KIAA1217: variants seen among roughly 807,000 people sequenced by gnomAD.
KIAA1217 encodes the protein sickle tail protein homolog.
A neutral mutation model predicts 163.9 loss-of-function variants in KIAA1217; 88 were observed. The ratio of observed to expected loss-of-function variants is 0.54; its 90% CI spans 0.45 to 0.64. The LOEUF (loss-of-function observed/expected upper bound fraction) is 0.64. Ranked by LOEUF, KIAA1217 falls within the 30% of genes least tolerant of loss-of-function variation. The probability of loss-of-function intolerance (pLI) is 0.00; values close to 1 mark genes in which losing one functional copy is unlikely to be tolerated. For missense variants in KIAA1217, 2,372 were observed against 2,475.0 expected (o/e 0.96, Z 0.88); for synonymous variants, 903 against 923.1 (o/e 0.98, Z 0.39).
chr10:24,203,647 C>T (rs1361925181), intron 2 of KIAA1217, among the ~76,000 whole-genome samples: 1 of 148,666 alleles, frequency 6.7e-6, no homozygotes, highest in Non-Finnish European at 1.5e-5. Flanking sequence ...GAGTCTCTTT[C>T]CCCCAAATAC....
chr10:24,063,828 T>C (rs542085373), intron 2 of KIAA1217, among the ~76,000 whole-genome samples: 1 of 152,342 alleles, frequency 6.6e-6, no homozygotes, highest in Non-Finnish European at 1.5e-5. Flanking sequence ...GAGCAGTGGT[T>C]TGTAGTTCTC....
intron 1 of KIAA1217, among the ~76,000 whole-genome samples, chr10:23,955,268 T>A (rs938665718): frequency 3.9e-5 from 6 of 152,120 alleles, no homozygotes; most frequent in Non-Finnish European, 5.9e-5. Flanking sequence ...AATAATAGTA[T>A]CCAGAACAAA....
chr10:23,736,640 A>G (rs1838820184), intron 1 of KIAA1217, among the ~76,000 whole-genome samples: 2 of 152,136 alleles, frequency 1.3e-5, no homozygotes, highest in Admixed American at 1.3e-4. Context: ...CTCCCACCTC[A>G]GCTTCCCATG....
intron 2 of KIAA1217, among the ~76,000 whole-genome samples, chr10:24,193,679 A>G (rs557362858): frequency 1.4e-4 from 21 of 152,186 alleles, no homozygotes; most frequent in Non-Finnish European, 2.8e-4. Context: ...GCTAATCCAG[A>G]TAACTCCATC....
At chr10:24,536,990 G>A in intron 17 of KIAA1217, 97 bp downstream of exon 17, 2 of 1,403,090 alleles carry the variant, frequency 1.4e-6, no homozygotes, top group South Asian at 1.3e-5. Flanking sequence ...TGTCCCCTCT[G>A]TCTTTTTTCT....
In KIAA1217 at chr10:24,035,137, A is replaced by G. The variant is rs1468425297; in HGVS notation, c.-171+27763A>G. Among the ~76,000 whole-genome samples, 5 of 152,194 alleles carry G rather than the reference A, an allele frequency of 3.3e-5. No individual in the cohort carries two copies. In the East Asian group the frequency reaches 9.6e-4, roughly 29 times the overall value. On this transcript the variant is annotated intron_variant, in intron 2 of 18. Transcript: ENST00000376462. ...TTCAATTCCCGCTCCTGTACTTAGTATCCGTGAGATCTTGGGTGAGTTTCT... is the reference window on the plus strand; with the variant it reads ...TTCAATTCCCGCTCCTGTACTTAGTGTCCGTGAGATCTTGGGTGAGTTTCT...
chr10:24,445,376 A>G (rs1445629416), intron 5 of KIAA1217, among the ~76,000 whole-genome samples: 1 of 152,034 alleles, frequency 6.6e-6, no homozygotes, highest in Non-Finnish European at 1.5e-5. Context: ...CATTTGTTTC[A>G]TTTCTGTTTT....
Position 24,543,647 on chromosome 10 carries a change from A to G in KIAA1217, c.4377A>G (p.Arg1459=). 1 of 1,614,088 alleles carries G rather than the reference A, an allele frequency of 6.2e-7. No homozygotes were observed. ...TGGACATCCGGTCTGCCTATAAGAG[A>G]CTTTCAACTATCTTTGAGGAATGTG... The part of the protein sequence containing the change: ...EPMDIRSAYK[R]LSTIFEECDE... The change falls in exon 19 of 21, where the codon AGA becomes AGG. Residue 1459 remains arginine (R), a synonymous_variant. Coordinates refer to ENST00000376454, the MANE Select transcript of KIAA1217 (RefSeq NM_019590.5).
At chr10:23,921,386 G>T (rs1422852476) in intron 1 of KIAA1217, among the ~76,000 whole-genome samples, 1 of 152,164 alleles carries the variant, frequency 6.6e-6, no homozygotes, top group Non-Finnish European at 1.5e-5. Flanking sequence ...GAGAGAACTT[G>T]TGTTTTCCTG....
rs1317656430 is a variant in KIAA1217, at chr10:24,027,680, A to G, written c.-171+20306A>G. Among the ~76,000 whole-genome samples the G allele has an allele frequency of 1.1e-4, 17 of 152,296 alleles. 4 individuals are homozygous for G. The highest frequency in any genetic ancestry group is 9.8e-4 in the Admixed American group (15 of 15,280). ...CCATGTTAATAGATAGGAAAACTCA[A>G]TAGTGTAAAATTATTTACAGACAAT... is the stretch of plus-strand genomic sequence containing the variant. On this transcript the variant is annotated intron_variant, in intron 2 of 18. Coordinates refer to the KIAA1217 transcript ENST00000376462.
intron 2 of KIAA1217, among the ~76,000 whole-genome samples, chr10:24,258,859 C>T (rs1434031764): frequency 2.0e-5 from 3 of 152,160 alleles, no homozygotes; most frequent in East Asian, 3.9e-4. Context: ...TCCCAAAGTG[C>T]TGGGATTACA....
chr10:23,835,489 G>A (rs1352834869), intron 1 of KIAA1217, among the ~76,000 whole-genome samples: 1 of 152,116 alleles, frequency 6.6e-6, no homozygotes, highest in Non-Finnish European at 1.5e-5. Flanking sequence ...TCTGTGACCT[G>A]AGGCATTGAT....
intron 2 of KIAA1217, among the ~76,000 whole-genome samples, chr10:24,295,087 T>C (rs2040430102): frequency 6.6e-6 from 1 of 152,148 alleles, no homozygotes; most frequent in South Asian, 2.1e-4. Context: ...TAAGGAGAAA[T>C]ATGGTCAGTG....
intron 1 of KIAA1217, among the ~76,000 whole-genome samples, chr10:23,759,853 G>A (rs550333430): frequency 6.6e-6 from 1 of 152,278 alleles, no homozygotes; most frequent in South Asian, 2.1e-4. Flanking sequence ...GCATGCTTTT[G>A]AAGTTTCAGT....
intron 5 of KIAA1217, among the ~76,000 whole-genome samples, chr10:24,455,854 G>T (rs1030865509): frequency 6.6e-6 from 1 of 152,184 alleles, no homozygotes; most frequent in Admixed American, 6.5e-5. Flanking sequence ...GGTTCAGAAT[G>T]ATCAATTAAT....
intron 3 of KIAA1217, among the ~76,000 whole-genome samples, chr10:24,391,206 G>T (rs953365350): frequency 6.6e-6 from 1 of 152,126 alleles, no homozygotes; most frequent in African/African-American, 2.4e-5. Context: ...AATGACAAAG[G>T]TGTCAACCCT....
At chr10:24,431,214 G>A (rs1238703984) in intron 3 of KIAA1217, among the ~76,000 whole-genome samples, 1 of 152,108 alleles carries the variant, frequency 6.6e-6, no homozygotes, top group Non-Finnish European at 1.5e-5. Flanking sequence ...CTGCCATATT[G>A]AACCGGAATT....
At chr10:23,797,383 A>G (rs1836255822) in intron 1 of KIAA1217, among the ~76,000 whole-genome samples, 1 of 152,214 alleles carries the variant, frequency 6.6e-6, no homozygotes, top group Non-Finnish European at 1.5e-5. Flanking sequence ...GTGAGAGAAT[A>G]AACAACTTGC....
At chr10:24,337,082 C>T (rs1352107888) in intron 2 of KIAA1217, among the ~76,000 whole-genome samples, 1 of 152,148 alleles carries the variant, frequency 6.6e-6, no homozygotes, top group Non-Finnish European at 1.5e-5. Flanking sequence ...AAATTTAAAA[C>T]TTTTATGCGT....
Sources: allele counts gnomAD v4.1 joint callset (sites outside exome capture counted in the v4.1 genomes callset), GRCh38; gene constraint gnomAD v4.1.1; transcripts MANE v1.5; gene names NCBI Gene and HGNC (gene_info 2026-07-23, HGNC 2026-07-21).